OTOGL: variants seen among roughly 807,000 people sequenced by gnomAD.
The protein encoded by OTOGL is otogelin-like protein.
A neutral mutation model predicts 318.5 loss-of-function variants in OTOGL; 285 were observed. The ratio of observed to expected loss-of-function variants is 0.89; its 90% CI spans 0.81 to 0.99. OTOGL has a LOEUF of 0.99. OTOGL is among the 50% of genes least tolerant of loss of function. The pLI is 0.00. For missense variants in OTOGL, 2,899 were observed against 2,845.6 expected (o/e 1.02, Z -0.43); for synonymous variants, 987 against 936.5 (o/e 1.05, Z -0.99).
intron 1 of OTOGL, among the ~76,000 whole-genome samples, chr12:80,127,568 T>C (rs575549878): frequency 1.3e-3 from 202 of 152,332 alleles, no homozygotes; most frequent in African/African-American, 4.7e-3. Flanking sequence ...CTGTATTTCC[T>C]GAATCTGAAT....
At chr12:80,228,563 C>T (rs1419455711) in intron 7 of OTOGL, among the ~76,000 whole-genome samples, 2 of 152,112 alleles carry the variant, frequency 1.3e-5, no homozygotes, top group African/African-American at 4.8e-5. Flanking sequence ...AAGTTCTTTT[C>T]CACCTCTATA....
intron 1 of OTOGL, among the ~76,000 whole-genome samples, chr12:80,200,109 A>C (rs148971124): frequency 1.8e-3 from 268 of 152,338 alleles, no homozygotes; most frequent in African/African-American, 6.0e-3. Flanking sequence ...CAAATACTGC[A>C]TGTGAGCCTG....
At chr12:80,353,808 G>A (rs1409882075) in intron 46 of OTOGL, among the ~76,000 whole-genome samples, 1 of 152,168 alleles carries the variant, frequency 6.6e-6, no homozygotes, top group Non-Finnish European at 1.5e-5. Flanking sequence ...CTTAATTCAT[G>A]TATTAGTTGT....
intron 9 of OTOGL, among the ~76,000 whole-genome samples, chr12:80,237,860 G>T (rs1260770121): frequency 6.6e-6 from 1 of 152,182 alleles, no homozygotes; most frequent in Admixed American, 6.5e-5. Flanking sequence ...GACTCTAGTG[G>T]TGCAATAGAT....
In OTOGL at chr12:80,308,182, C is replaced by T. The variant is rs543529591; in HGVS notation, c.3334-2429C>T. Among the ~76,000 whole-genome samples, 18 of 150,130 alleles carry T rather than the reference C, an allele frequency of 1.2e-4. No individual in the cohort carries two copies. In the East Asian group the frequency reaches 3.1e-3, roughly 26 times the overall value. ...CCTCCCTCCCGGACGAGGTGGCTGC[C>T]GGGCGGAGACACTCCTCACTTCCCA... On this transcript the variant is annotated intron_variant, in intron 29 of 58. Coordinates refer to ENST00000547103, the MANE Select transcript of OTOGL (RefSeq NM_001378609.3).
chr12:80,178,558 C>T (rs7138899), intron 1 of OTOGL, among the ~76,000 whole-genome samples: 17,839 of 152,070 alleles, frequency 0.12, 1,612 homozygotes, highest in African/African-American at 0.25. Context: ...GTCCTGTCTC[C>T]TTAACTTAGA....
intron 1 of OTOGL, among the ~76,000 whole-genome samples, chr12:80,186,832 G>A (rs1004078884): frequency 6.6e-6 from 1 of 152,006 alleles, no homozygotes; most frequent in African/African-American, 2.4e-5. Context: ...ATGGAGTGCT[G>A]CCCTCTTTTG....
intron 1 of OTOGL, chr12:80,103,175 A>G (rs986498345): frequency 1.5e-6 from 2 of 1,349,024 alleles, no homozygotes; most frequent in African/African-American, 2.8e-5. Flanking sequence ...CCTGAACTTC[A>G]TCGTCCTTTC....
At chr12:80,162,666 C>T (rs1001571123) in intron 1 of OTOGL, among the ~76,000 whole-genome samples, 8 of 152,014 alleles carry the variant, frequency 5.3e-5, no homozygotes, top group Admixed American at 1.3e-4. Context: ...GGGTACATGT[C>T]TGTCTCTGTC....
chr12:80,234,945 A>G (rs950787915), intron 9 of OTOGL, among the ~76,000 whole-genome samples: 2 of 152,162 alleles, frequency 1.3e-5, no homozygotes, highest in African/African-American at 4.8e-5. Context: ...CACAATACAA[A>G]TGTATAGTAC....
chr12:80,270,476 A>G (rs1006112604), intron 23 of OTOGL, among the ~76,000 whole-genome samples: 6 of 152,072 alleles, frequency 3.9e-5, no homozygotes, highest in African/African-American at 1.4e-4. Context: ...AAGTGTTGTA[A>G]CCCATTTGTG....
intron 1 of OTOGL, among the ~76,000 whole-genome samples, chr12:80,201,542 C>T (rs74108555): frequency 6.6e-6 from 1 of 152,118 alleles, no homozygotes; most frequent in Non-Finnish European, 1.5e-5. Context: ...TGACTAGGCC[C>T]TGCATCCAAC....
At chr12:80,240,542 TTAGTG>T (rs1273857757) in intron 11 of OTOGL, among the ~76,000 whole-genome samples, 1 of 152,126 alleles carries the variant, frequency 6.6e-6, no homozygotes, top group African/African-American at 2.4e-5. Context: ...GACATAGTGA[TTAGTG>T]TAAACAGTGC....
chr12:80,201,810 T>C (rs1423271055), intron 1 of OTOGL, among the ~76,000 whole-genome samples: 1 of 152,140 alleles, frequency 6.6e-6, no homozygotes, highest in Non-Finnish European at 1.5e-5. Context: ...AGGGAAAATA[T>C]AATTTTTCTA....
chr12:80,139,381 T>C lies in OTOGL; in HGVS notation c.-20+39776T>C, dbSNP rs1174438431. Reference sequence around the variant, plus strand: ...CAATATGAATTTTATCCTTTATAACTGAGCCTTAACTTACACATTGGTTTC... The same window carrying C: ...CAATATGAATTTTATCCTTTATAACCGAGCCTTAACTTACACATTGGTTTC... On this transcript the variant is annotated intron_variant, in intron 1 of 58. Coordinates refer to ENST00000547103, the MANE Select transcript of OTOGL (RefSeq NM_001378609.3). Among the ~76,000 whole-genome samples, 6 of 152,366 alleles carry C rather than the reference T, an allele frequency of 3.9e-5. 1 individual carries two copies. The Middle Eastern group carries it at 0.014, about 345-fold the overall frequency.
intron 11 of OTOGL, among the ~76,000 whole-genome samples, chr12:80,240,417 A>G (rs988134483): frequency 1.3e-5 from 2 of 152,158 alleles, no homozygotes; most frequent in African/African-American, 2.4e-5. Context: ...AATAAAACAC[A>G]TAAGATACCA....
chr12:80,229,229 G>A, intron 7 of OTOGL, 28 bp from the exon 8 acceptor site: 1 of 1,587,940 alleles, frequency 6.3e-7, no homozygotes. Flanking sequence ...TTGTTCCTAT[G>A]CTTTCTTTTT....
chr12:80,123,470 T>C (rs1870613090), intron 1 of OTOGL, among the ~76,000 whole-genome samples: 1 of 152,186 alleles, frequency 6.6e-6, no homozygotes, highest in Admixed American at 6.5e-5. Flanking sequence ...TCTTTGCTAT[T>C]GTGAATAGTG....
chr12:80,356,613 A>G lies in OTOGL; in HGVS notation c.5911+93A>G, dbSNP rs562194938. ...CATTCATTGTGTCTCCAAGAGAATGATTTATTATAAAAGATTGCGGACTTG... is the reference window on the plus strand; with the variant it reads ...CATTCATTGTGTCTCCAAGAGAATGGTTTATTATAAAAGATTGCGGACTTG... On this transcript the variant is annotated intron_variant, in intron 48 of 58. Coordinates refer to ENST00000547103, the MANE Select transcript of OTOGL (RefSeq NM_001378609.3). The G allele has an allele frequency of 1.4e-5, 15 of 1,085,356 alleles. No homozygotes were observed. The South Asian group carries it at 2.4e-4, about 17-fold the overall frequency. The allele number at this position is 1,085,356 out of a possible 1,614,324, so 67.2% of individuals were successfully genotyped here. A position where few individuals can be genotyped will look rare whatever the true frequency, so the allele number is the denominator to read the frequency against.
Sources: gnomAD v4.1 joint callset for allele counts (sites outside exome capture counted in the v4.1 genomes callset) on GRCh38, gnomAD v4.1.1 for gene constraint, MANE v1.5 for transcripts, NCBI Gene and HGNC (gene_info 2026-07-23, HGNC 2026-07-21) for gene names.